SPAG16: variants seen among roughly 807,000 people sequenced by gnomAD.
The protein encoded by SPAG16 is sperm-associated antigen 16 protein.
Under a neutral mutation model 80.4 loss-of-function variants are expected in SPAG16, and 86 were observed. The ratio of observed to expected loss-of-function variants is 1.07; its 90% CI spans 0.90 to 1.28. The LOEUF is 1.28. SPAG16 is among the 50% of genes most tolerant of loss of function. The pLI, the probability that SPAG16 is intolerant of heterozygous loss-of-function variation, is 0.00. For missense variants in SPAG16, 870 were observed against 765.3 expected, an observed-to-expected ratio of 1.14 and a Z score of -1.61; for synonymous variants, 294 against 265.9, an observed-to-expected ratio of 1.11 and a Z score of -1.03.
chr2:214,078,533 CAAAAAA>C (rs35101370), intron 13 of SPAG16, among the ~76,000 whole-genome samples: 2 of 117,128 alleles, frequency 1.7e-5, no homozygotes, highest in African/African-American at 3.2e-5. Context: ...GAGCCTGTCT[CAAAAAA>C]AAAAAAAAAA....
At chr2:213,920,805 A>G (rs554096340) in intron 11 of SPAG16, among the ~76,000 whole-genome samples, 1 of 152,316 alleles carries the variant, frequency 6.6e-6, no homozygotes, top group African/African-American at 2.4e-5. Flanking sequence ...AGGGATGGAC[A>G]TCTCTTGTCA....
At chr2:213,932,243 TTC>T (rs1380347945) in intron 12 of SPAG16, among the ~76,000 whole-genome samples, 20 of 147,996 alleles carry the variant, frequency 1.4e-4, no homozygotes, top group Non-Finnish European at 2.8e-4. Flanking sequence ...CTGAATCTTG[TTC>T]TGTCACCCAG....
chr2:213,929,826 T>A (rs1472627578), intron 11 of SPAG16, 134 bp from the exon 12 acceptor site: 1 of 685,714 alleles, frequency 1.5e-6, no homozygotes, highest in Non-Finnish European at 2.4e-6. Flanking sequence ...TAATATTTAG[T>A]CATTTAGATA....
intron 11 of SPAG16, among the ~76,000 whole-genome samples, chr2:213,880,158 G>A (rs534814889): frequency 6.6e-6 from 1 of 151,984 alleles, no homozygotes; most frequent in Non-Finnish European, 1.5e-5. Flanking sequence ...TTTACTTTTA[G>A]TAATAGCCAT....
At chr2:213,576,879 TAAC>T (rs1198383639) in intron 10 of SPAG16, among the ~76,000 whole-genome samples, 1 of 151,942 alleles carries the variant, frequency 6.6e-6, no homozygotes, top group Non-Finnish European at 1.5e-5. Context: ...TCAGGAGAAA[TAAC>T]AAATGGGTAT....
At chr2:214,353,584 T>C (rs983410295) in intron 15 of SPAG16, among the ~76,000 whole-genome samples, 2 of 152,144 alleles carry the variant, frequency 1.3e-5, no homozygotes, top group Non-Finnish European at 2.9e-5. Flanking sequence ...CTGTATTTCA[T>C]AGGTAACAAA....
chr2:213,623,201 CT>C (rs1473870210), intron 10 of SPAG16, among the ~76,000 whole-genome samples: 1 of 152,044 alleles, frequency 6.6e-6, no homozygotes, highest in Non-Finnish European at 1.5e-5. Flanking sequence ...TGTAAAATCA[CT>C]TTTTACTGCT....
chr2:213,754,684 A>ATGAAATCCTAAATATAACGT (rs138074351), intron 10 of SPAG16, among the ~76,000 whole-genome samples: 2 of 152,042 alleles, frequency 1.3e-5, no homozygotes, highest in Non-Finnish European at 2.9e-5. Flanking sequence ...ATTAGTCAAA[A>ATGAAATCCTAAATATAACGT]TGAAATAAAA....
intron 10 of SPAG16, among the ~76,000 whole-genome samples, chr2:213,603,655 T>C (rs2061148114): frequency 6.6e-6 from 1 of 152,208 alleles, no homozygotes; most frequent in Non-Finnish European, 1.5e-5. Flanking sequence ...GGGAATGAGA[T>C]AGAAATCGAA....
At chr2:213,476,576 A>T (rs2125680033) in intron 9 of SPAG16, among the ~76,000 whole-genome samples, 1 of 152,344 alleles carries the variant, frequency 6.6e-6, no homozygotes, top group South Asian at 2.1e-4. Flanking sequence ...AAGCCTCGGA[A>T]TGAAAGTAAA....
intron 10 of SPAG16, among the ~76,000 whole-genome samples, chr2:213,637,739 A>G (rs2062422370): frequency 6.6e-6 from 1 of 152,116 alleles, no homozygotes; most frequent in Admixed American, 6.5e-5. Flanking sequence ...AAATGTATTC[A>G]TAGTAGCCTT....
chr2:213,380,574 G>A (rs1221390388), intron 9 of SPAG16, among the ~76,000 whole-genome samples: 1 of 152,194 alleles, frequency 6.6e-6, no homozygotes, highest in Non-Finnish European at 1.5e-5. Context: ...GGCTAGATGT[G>A]TCAGAAAGCA....
intron 15 of SPAG16, among the ~76,000 whole-genome samples, chr2:214,178,011 A>ATATATATATT (rs1310982087): frequency 2.2e-5 from 1 of 45,854 alleles, no homozygotes; most frequent in Non-Finnish European, 7.9e-5. Flanking sequence ...ATATATATAT[A>ATATATATATT]TTCATACTTT....
At chr2:213,317,509 T>C in intron 5 of SPAG16, 153 bp downstream of exon 5, 4 of 1,342,972 alleles carry the variant, frequency 3.0e-6, no homozygotes, top group South Asian at 2.1e-5. Flanking sequence ...ATTAGCAAAT[T>C]AATTAAACAG....
intron 15 of SPAG16, among the ~76,000 whole-genome samples, chr2:214,220,984 A>G (rs912383456): frequency 3.3e-5 from 5 of 152,100 alleles, no homozygotes; most frequent in Non-Finnish European, 7.4e-5. Context: ...TTTTCACCCA[A>G]TTCCCCAGTT....
rs549571336 is a variant in SPAG16 at position 214,294,548 on chromosome 2, G to A, written c.1721-115592G>A. On this transcript the variant is annotated intron_variant, in intron 15 of 15. Transcript: ENST00000331683. ...CAGCCAAAATATTATTAATTGAAATGCCAACTGTACTTATTAAAGAGCCTA... is the reference window on the plus strand; with the variant it reads ...CAGCCAAAATATTATTAATTGAAATACCAACTGTACTTATTAAAGAGCCTA... Among the ~76,000 whole-genome samples the A allele has an allele frequency of 5.3e-5, 8 of 152,234 alleles. No homozygotes were observed. The East Asian group carries it at 1.2e-3, about 22-fold the overall frequency.
At chr2:213,972,931 T>C (rs1254853587) in intron 12 of SPAG16, among the ~76,000 whole-genome samples, 1 of 152,204 alleles carries the variant, frequency 6.6e-6, no homozygotes, top group Non-Finnish European at 1.5e-5. Context: ...TTAGTTTGTG[T>C]TCAGCTAGTG....
intron 9 of SPAG16, among the ~76,000 whole-genome samples, chr2:213,458,903 A>C (rs1186458336): frequency 6.6e-6 from 1 of 151,994 alleles, no homozygotes. Flanking sequence ...TTTTCTTTTT[A>C]TTTATATTAC....
chr2:214,020,074 C>T (rs1034338228), intron 13 of SPAG16, among the ~76,000 whole-genome samples: 1 of 152,078 alleles, frequency 6.6e-6, no homozygotes, highest in Admixed American at 6.6e-5. Context: ...TTACTGGAAT[C>T]TGATTGGGTG....
Sources: allele counts gnomAD v4.1 joint callset (sites outside exome capture counted in the v4.1 genomes callset), GRCh38; gene constraint gnomAD v4.1.1; transcripts MANE v1.5; gene names NCBI Gene and HGNC (gene_info 2026-07-23, HGNC 2026-07-21).